The following PTPRD variants were observed in gnomAD, a reference collection of about 807,000 sequenced individuals.
PTPRD encodes protein tyrosine phosphatase receptor type D.
In PTPRD, 34 loss-of-function variants were observed where a neutral mutation model predicts 214.5. The ratio of observed to expected loss-of-function variants is 0.16; its 90% CI spans 0.12 to 0.21. The LOEUF is 0.21. Among genes scored for constraint, PTPRD ranks in the 10% least tolerant of loss-of-function variants. PTPRD has a pLI of 1.00. For synonymous variants in PTPRD, 1,128 were observed against 845.7 expected (o/e 1.33, Z -5.79); for missense variants, 2,545 against 2,398.7 (o/e 1.06, Z -1.27).
chr9:9,809,249 C>T (rs1669349398), intron 5 of PTPRD, among the ~76,000 whole-genome samples: 1 of 150,934 alleles, frequency 6.6e-6, no homozygotes. Flanking sequence ...AGATAAAGGG[C>T]CTTAGCCACA....
chr9:9,185,392 G>C (rs992574195), intron 9 of PTPRD, among the ~76,000 whole-genome samples: 18 of 151,904 alleles, frequency 1.2e-4, no homozygotes, highest in African/African-American at 4.3e-4. Context: ...ATTCCTTTTA[G>C]GCAACCAACC....
intron 11 of PTPRD, among the ~76,000 whole-genome samples, chr9:8,912,798 G>C (rs1030219943): frequency 1.3e-5 from 2 of 152,128 alleles, no homozygotes; most frequent in African/African-American, 4.8e-5. Flanking sequence ...CTTTTGGCTT[G>C]TTGAATTTCT....
chr9:9,837,709 A>G (rs1239586556), intron 5 of PTPRD, among the ~76,000 whole-genome samples: 1 of 152,034 alleles, frequency 6.6e-6, no homozygotes, highest in African/African-American at 2.4e-5. Context: ...TCCTAACCAG[A>G]CTGGTATGAC....
At chr9:9,943,581 T>C (rs1464105399) in intron 4 of PTPRD, among the ~76,000 whole-genome samples, 1 of 152,134 alleles carries the variant, frequency 6.6e-6, no homozygotes. Flanking sequence ...GCAAATAATA[T>C]GCTATATTAG....
At chr9:8,363,186 G>A (rs947120618) in intron 39 of PTPRD, among the ~76,000 whole-genome samples, 21 of 152,100 alleles carry the variant, frequency 1.4e-4, no homozygotes, top group African/African-American at 5.1e-4. Context: ...ACCATTTGAG[G>A]TTGCATCTTA....
chr9:9,806,468 TC>T (rs1466602148), intron 5 of PTPRD, among the ~76,000 whole-genome samples: 1 of 152,054 alleles, frequency 6.6e-6, no homozygotes, highest in Non-Finnish European at 1.5e-5. Context: ...CAATACACCC[TC>T]CCCGCCCTTG....
chr9:8,520,378 A>G (rs563822415), intron 20 of PTPRD, among the ~76,000 whole-genome samples: 32 of 152,254 alleles, frequency 2.1e-4, no homozygotes, highest in African/African-American at 7.2e-4. Flanking sequence ...GATACCAATT[A>G]TAACGTGTAT....
intron 8 of PTPRD, among the ~76,000 whole-genome samples, chr9:9,412,013 A>T (rs2141954960): frequency 6.6e-6 from 1 of 152,342 alleles, no homozygotes; most frequent in South Asian, 2.1e-4. Context: ...TCCATGTCTT[A>T]TGACCACATT....
chr9:9,033,410 C>G (rs184669221), intron 10 of PTPRD, among the ~76,000 whole-genome samples: 20 of 152,204 alleles, frequency 1.3e-4, no homozygotes, highest in African/African-American at 4.3e-4. Flanking sequence ...CTGCTCCACT[C>G]AGAGCTTTCC....
At chr9:8,751,344 G>A (rs1050342329) in intron 11 of PTPRD, among the ~76,000 whole-genome samples, 2 of 151,882 alleles carry the variant, frequency 1.3e-5, no homozygotes, top group South Asian at 2.1e-4. Flanking sequence ...TCAGCATTAC[G>A]GATCTCTATG....
At chr9:9,390,422 C>T (rs1056732775) in intron 9 of PTPRD, among the ~76,000 whole-genome samples, 8 of 152,238 alleles carry the variant, frequency 5.3e-5, no homozygotes, top group Admixed American at 3.3e-4. Flanking sequence ...ATGAAATACT[C>T]GTCCACTCTA....
At chr9:10,138,298 T>C (rs77451557) in intron 3 of PTPRD, among the ~76,000 whole-genome samples, 8,691 of 151,988 alleles carry the variant, frequency 0.057, 318 homozygotes, top group East Asian at 0.13. Context: ...AGGACATGAA[T>C]ACATTCCTAG....
chr9:8,330,791 CTA>C (rs1028594475), intron 44 of PTPRD, among the ~76,000 whole-genome samples: 5 of 152,020 alleles, frequency 3.3e-5, no homozygotes, highest in Non-Finnish European at 7.4e-5. Flanking sequence ...TCGTAAAGAA[CTA>C]TAGTTTTCTT....
chr9:9,875,384 A>T (rs1468362205), intron 5 of PTPRD, among the ~76,000 whole-genome samples: 1 of 152,098 alleles, frequency 6.6e-6, no homozygotes, highest in Admixed American at 6.6e-5. Context: ...AAACAAAAAT[A>T]AAAAATAAAC....
intron 6 of PTPRD, among the ~76,000 whole-genome samples, chr9:9,753,419 G>T (rs2098540865): frequency 6.6e-6 from 1 of 151,998 alleles, no homozygotes. Context: ...ATACTTTGAG[G>T]GCTTTGTTCT....
intron 7 of PTPRD, among the ~76,000 whole-genome samples, chr9:9,586,929 C>A (rs1431404541): frequency 1.3e-5 from 2 of 151,894 alleles, no homozygotes; most frequent in African/African-American, 4.8e-5. Flanking sequence ...ATTTATTGAA[C>A]ATCTATGTTC....
At chr9:10,441,901 T>C (rs910826953) in intron 2 of PTPRD, among the ~76,000 whole-genome samples, 3 of 151,626 alleles carry the variant, frequency 2.0e-5, no homozygotes, top group Non-Finnish European at 4.4e-5. Context: ...ATTACAATCA[T>C]TGGCTATCAG....
In PTPRD at chr9:9,482,433, C is replaced by T. The variant is rs148391647; in HGVS notation, c.-236-84951G>A. Among the ~76,000 whole-genome samples the T allele has an allele frequency of 1.4e-3, 211 of 152,130 alleles. 1 individual carries two copies. The highest frequency in any genetic ancestry group is 0.013 in the East Asian group (65 of 5,170). ...AGGTTCACAGCAAAATGGGGTAGAA[C>T]GTTGAAGTGTCTATATAATCTTTGT... On this transcript the variant is annotated intron_variant, in intron 8 of 45. Coordinates refer to ENST00000381196, the MANE Select transcript of PTPRD (RefSeq NM_002839.4).
intron 11 of PTPRD, among the ~76,000 whole-genome samples, chr9:8,886,696 G>A (rs544415197): frequency 6.6e-6 from 1 of 152,240 alleles, no homozygotes; most frequent in East Asian, 1.9e-4. Flanking sequence ...CCTACCCCTT[G>A]ACTGTTGTGT....
Sources: allele counts gnomAD v4.1 joint callset (sites outside exome capture counted in the v4.1 genomes callset), GRCh38; gene constraint gnomAD v4.1.1; transcripts MANE v1.5; gene names NCBI Gene and HGNC (gene_info 2026-07-23, HGNC 2026-07-21).